CCNB1IP1: variants seen among roughly 807,000 people sequenced by gnomAD.
CCNB1IP1 encodes the protein cyclin B1 interacting protein 1.
In CCNB1IP1, 14 loss-of-function variants were observed where a neutral mutation model predicts 25.6. The observed-to-expected ratio is 0.55, with a 90% confidence interval of 0.36 to 0.85. The LOEUF is 0.85. CCNB1IP1 is among the 40% of genes least tolerant of loss of function. The probability of loss-of-function intolerance (pLI) is 0.01; values close to 1 mark genes in which losing one functional copy is unlikely to be tolerated. For missense variants in CCNB1IP1, 278 were observed against 342.4 expected, an observed-to-expected ratio of 0.81 and a Z score of 1.48; for synonymous variants, 119 against 116.1, an observed-to-expected ratio of 1.02 and a Z score of -0.16.
At chr14:20,332,026 A>ATATAT (rs59034398) in intron 1 of CCNB1IP1, among the ~76,000 whole-genome samples, 15 of 40,744 alleles carry the variant, frequency 3.7e-4, no homozygotes, top group African/African-American at 9.6e-4. Flanking sequence ...ATATATATAT[A>ATATAT]TTTTTTTTTT....
At position 20,311,395 on chromosome 14, in the gene CCNB1IP1, T is replaced by A. The variant is rs1318943439; in HGVS notation, c.*155A>T. On this transcript the variant is annotated 3_prime_UTR_variant, in exon 7 of 7. Transcript: ENST00000358932. Reference sequence around the variant, plus strand: ...TAAAGTTAGCTAAATTATCTTTATTTTTTTTTAGAAACAGGGTCTCACTCT... The same window carrying A: ...TAAAGTTAGCTAAATTATCTTTATTATTTTTTAGAAACAGGGTCTCACTCT... 4 of 545,222 alleles carry A rather than the reference T, an allele frequency of 7.3e-6. No homozygotes were observed. The highest frequency in any genetic ancestry group is 1.3e-5 in the Non-Finnish European group (4 of 306,978). The allele number at this position is 545,222 out of a possible 1,614,324, so 33.8% of individuals were successfully genotyped here.
At chr14:20,326,595 T>C in intron 3 of CCNB1IP1, 121 bp downstream of exon 3, 1 of 497,582 alleles carries the variant, frequency 2.0e-6, no homozygotes, top group Non-Finnish European at 4.1e-6. Flanking sequence ...CTCCTAAGGT[T>C]AGAACTGGGG....
chr14:20,329,483 C>T (rs1260803813), intron 1 of CCNB1IP1, 110 bp from the exon 2 acceptor site: 1 of 152,228 alleles, frequency 6.6e-6, no homozygotes, highest in Non-Finnish European at 1.5e-5. Flanking sequence ...GCTATCAGAA[C>T]AGACTCCAAG....
At chr14:20,319,952 C>T (rs371286256) in intron 4 of CCNB1IP1, among the ~76,000 whole-genome samples, 1 of 152,208 alleles carries the variant, frequency 6.6e-6, no homozygotes, top group East Asian at 1.9e-4. Context: ...CTGATGACAG[C>T]GAAATGGTAT....
rs990478619 is a variant in CCNB1IP1 at position 20,325,556 on chromosome 14, G to A, written c.-55C>T. 2.6e-5 allele frequency: 4 copies of A among 152,076 alleles called. No homozygotes were observed. Among genetic ancestry groups the A allele is most frequent in the Non-Finnish European group, 5.9e-5 (4 of 68,028 alleles). 9.4% of individuals were successfully genotyped at this position (152,076 alleles called of 1,614,324 possible). A position where few individuals can be genotyped will look rare whatever the true frequency, so the allele number is the denominator to read the frequency against. On this transcript the variant is annotated 5_prime_UTR_variant, in exon 4 of 7. Coordinates refer to ENST00000358932, the MANE Select transcript of CCNB1IP1 (RefSeq NM_021178.5). ...AGCCTTACCATAAAAGAAAAACGCA[G>A]TACTCATCTACAGTATATCCAGGAT...
intron 5 of CCNB1IP1, 102 bp from the exon 6 acceptor site, chr14:20,313,903 G>T: frequency 1.2e-6 from 1 of 842,000 alleles, no homozygotes; most frequent in Non-Finnish European, 1.7e-6. Context: ...CTTATATAGG[G>T]ATGTTATTTT....
At chr14:20,324,642 C>T (rs1214192481) in intron 4 of CCNB1IP1, among the ~76,000 whole-genome samples, 1 of 152,122 alleles carries the variant, frequency 6.6e-6, no homozygotes, top group Non-Finnish European at 1.5e-5. Flanking sequence ...CTAATTTAAT[C>T]TTCAAAATAA....
At chr14:20,315,842 G>C in intron 5 of CCNB1IP1, 1 of 947,662 alleles carries the variant, frequency 1.1e-6, no homozygotes, top group Non-Finnish European at 1.5e-6. Flanking sequence ...CCAGGAGTTA[G>C]AGACTAGCCT....
intron 2 of CCNB1IP1, among the ~76,000 whole-genome samples, chr14:20,328,674 C>T (rs1883150134): frequency 6.6e-6 from 1 of 152,092 alleles, no homozygotes; most frequent in African/African-American, 2.4e-5. Context: ...CTCTATTAAT[C>T]TCAACTCACA....
chr14:20,332,019 TA>T (rs1566408006), intron 1 of CCNB1IP1, among the ~76,000 whole-genome samples: 9 of 63,126 alleles, frequency 1.4e-4, no homozygotes, highest in Non-Finnish European at 2.1e-4. Context: ...TATATATATA[TA>T]TATATATTTT....
Position 20,311,547 on chromosome 14 carries a change from G to A in CCNB1IP1, c.*3C>T. The A allele has an allele frequency of 1.2e-6, 2 of 1,611,356 alleles. No homozygotes were observed. Among genetic ancestry groups the A allele is most frequent in the Non-Finnish European group, 1.7e-6 (2 of 1,178,846 alleles). ...ATCACAGGTGCGTGACACTATGCGT[G>A]GCTCAAATTCTTTTTACTTTGAAGG... On this transcript the variant is annotated 3_prime_UTR_variant, in exon 7 of 7. Transcript: ENST00000358932.
rs756276253 is a variant in CCNB1IP1 at position 20,313,422 on chromosome 14, A to C, written c.631+46T>G. The C allele has an allele frequency of 3.5e-6, 5 of 1,445,478 alleles. No homozygotes were observed. In the East Asian group the frequency reaches 6.9e-5, roughly 20 times the overall value. 89.5% of individuals were successfully genotyped at this position (1,445,478 alleles called of 1,614,324 possible). On this transcript the variant is annotated intron_variant, in intron 6 of 6. Coordinates refer to ENST00000358932, the MANE Select transcript of CCNB1IP1 (RefSeq NM_021178.5). ...TGGAAGTGGGCAGAGCAGTATAAAA[A>C]ATCATTGATTTAAAGAACAGACACT...
intron 1 of CCNB1IP1, among the ~76,000 whole-genome samples, chr14:20,330,123 A>AC (rs1190873553): frequency 2.6e-5 from 4 of 151,582 alleles, no homozygotes; most frequent in Non-Finnish European, 5.9e-5. Flanking sequence ...AAAAAACAAA[A>AC]AACATGTCCT....
Position 20,311,758 on chromosome 14 carries a change from G to C in CCNB1IP1, c.632-6C>G. 6.2e-7 allele frequency: 1 copy of C among 1,607,538 alleles called. No homozygotes were observed. On this transcript the variant is annotated splice_region_variant and splice_polypyrimidine_tract_variant and intron_variant, in intron 6 of 6. Coordinates refer to ENST00000358932, the MANE Select transcript of CCNB1IP1 (RefSeq NM_021178.5). The stretch of plus-strand genomic sequence containing the variant: ...AGGAAACTTGGAGTTGTTACCTAGG[G>C]CAGAAAAAAAGGAAAAACATAATTT...
chr14:20,311,827 A>G, intron 6 of CCNB1IP1, 75 bp from the exon 7 acceptor site: 1 of 835,550 alleles, frequency 1.2e-6, no homozygotes. Flanking sequence ...GGAATCATCA[A>G]ATATATATAT....
intron 5 of CCNB1IP1, chr14:20,315,814 C>G: frequency 1.6e-6 from 2 of 1,232,220 alleles, no homozygotes; most frequent in Non-Finnish European, 2.1e-6. Context: ...GAGGCTGAGG[C>G]GGGAGAATGG....
At chr14:20,318,163 A>T (rs1882777276) in intron 4 of CCNB1IP1, 2 of 152,290 alleles carry the variant, frequency 1.3e-5, no homozygotes, top group South Asian at 4.1e-4. Context: ...ACAAACATGC[A>T]TTACAGCTCT....
intron 1 of CCNB1IP1, among the ~76,000 whole-genome samples, chr14:20,332,026 A>ATATATATATATATATAT (rs59034398): frequency 2.5e-5 from 1 of 40,742 alleles, no homozygotes; most frequent in African/African-American, 8.7e-5. Context: ...ATATATATAT[A>ATATATATATATATATAT]TTTTTTTTTT....
intron 4 of CCNB1IP1, among the ~76,000 whole-genome samples, chr14:20,323,566 T>A: frequency 7.5e-6 from 1 of 133,088 alleles, no homozygotes; most frequent in East Asian, 2.3e-4. Context: ...ATGGAATGAG[T>A]CCCTGTCTCA....
Sources: gnomAD v4.1 joint callset for allele counts (sites outside exome capture counted in the v4.1 genomes callset) on GRCh38, gnomAD v4.1.1 for gene constraint, MANE v1.5 for transcripts, NCBI Gene and HGNC (gene_info 2026-07-23, HGNC 2026-07-21) for gene names.